Variants in OXR1 observed in about 807,000 individuals in gnomAD.
The protein encoded by OXR1 is oxidation resistance 1.
A neutral mutation model predicts 104.6 loss-of-function variants in OXR1; 41 were observed. The observed-to-expected ratio is 0.39, with a 90% CI of 0.31 to 0.51. The LOEUF (loss-of-function observed/expected upper bound fraction) is 0.51. Among genes scored for constraint, OXR1 ranks in the 20% least tolerant of loss-of-function variants. The pLI is 0.77. For missense variants in OXR1, 955 were observed against 1,031.9 expected, an observed-to-expected ratio of 0.93 and a Z score of 1.02; for synonymous variants, 348 against 348.4, an observed-to-expected ratio of 1.00 and a Z score of 0.01.
intron 1 of OXR1, among the ~76,000 whole-genome samples, chr8:106,357,080 T>G (rs929434224): frequency 6.6e-6 from 1 of 152,106 alleles, no homozygotes; most frequent in African/African-American, 2.4e-5. Flanking sequence ...TGTAATTTAG[T>G]AAAAGCAATT....
intron 3 of OXR1, among the ~76,000 whole-genome samples, chr8:106,675,934 G>C (rs930605171): frequency 6.6e-6 from 1 of 152,020 alleles, no homozygotes; most frequent in South Asian, 2.1e-4. Context: ...TCTCTTTGTA[G>C]GTCTCTAAGA....
chr8:106,291,754 G>A (rs1351002088), intron 1 of OXR1, among the ~76,000 whole-genome samples: 2 of 152,148 alleles, frequency 1.3e-5, no homozygotes, highest in Non-Finnish European at 2.9e-5. Flanking sequence ...AGTTCCACAT[G>A]GCTGGGGAGG....
intron 8 of OXR1, among the ~76,000 whole-genome samples, chr8:106,706,048 T>C (rs1329375175): frequency 2.6e-5 from 4 of 152,134 alleles, no homozygotes; most frequent in African/African-American, 4.8e-5. Context: ...GTGAGTAAAT[T>C]TTAGTTTAGA....
In OXR1 at chr8:106,583,233, G is replaced by A. The variant is rs550076530; in HGVS notation, c.220+64094G>A. On this transcript the variant is annotated intron_variant, in intron 3 of 16. Coordinates refer to ENST00000517566, the MANE Select transcript of OXR1 (RefSeq NM_001198533.2). ...CTGACTCGTGACTCTAATGGGTTAA[G>A]TTCCCCAAAATTTACTCTCATTTAC... Among the ~76,000 whole-genome samples, 7 of 152,116 alleles carry A rather than the reference G, an allele frequency of 4.6e-5. No homozygotes were observed. In the South Asian group the frequency reaches 1.5e-3, roughly 32 times the overall value.
intron 2 of OXR1, among the ~76,000 whole-genome samples, chr8:106,426,404 A>G (rs1403472589): frequency 6.6e-6 from 1 of 151,706 alleles, no homozygotes; most frequent in African/African-American, 2.4e-5. Context: ...TATAGTACTT[A>G]TGTCTTGAAA....
intron 9 of OXR1, among the ~76,000 whole-genome samples, chr8:106,708,211 G>T (rs536568894): frequency 6.6e-6 from 1 of 151,928 alleles, no homozygotes; most frequent in South Asian, 2.1e-4. Flanking sequence ...GGGCACCATG[G>T]CAAAACCCTG....
intron 2 of OXR1, among the ~76,000 whole-genome samples, chr8:106,441,608 G>T (rs1320179187): frequency 6.6e-6 from 1 of 152,060 alleles, no homozygotes; most frequent in African/African-American, 2.4e-5. Flanking sequence ...CTGGTTTGTA[G>T]TTCTCCTTGA....
intron 1 of OXR1, among the ~76,000 whole-genome samples, chr8:106,322,449 T>C (rs1001302113): frequency 1.3e-5 from 2 of 152,128 alleles, no homozygotes; most frequent in Admixed American, 1.3e-4. Flanking sequence ...TTATACTGAA[T>C]AGGCAAAAAC....
intron 2 of OXR1, among the ~76,000 whole-genome samples, chr8:106,481,698 T>C (rs1037420606): frequency 6.6e-6 from 1 of 152,032 alleles, no homozygotes; most frequent in Admixed American, 6.6e-5. Flanking sequence ...TTGCCACCTG[T>C]TACTTTAAAA....
intron 2 of OXR1, among the ~76,000 whole-genome samples, chr8:106,468,676 G>C (rs1821319999): frequency 2.0e-5 from 3 of 151,760 alleles, no homozygotes; most frequent in Non-Finnish European, 4.4e-5. Context: ...ATTATGATGT[G>C]ATATATTTGG....
At chr8:106,475,583 G>A (rs892510391) in intron 2 of OXR1, among the ~76,000 whole-genome samples, 1 of 151,906 alleles carries the variant, frequency 6.6e-6, no homozygotes, top group African/African-American at 2.4e-5. Flanking sequence ...CTCTAAAAAT[G>A]TTTCTGTACT....
intron 3 of OXR1, among the ~76,000 whole-genome samples, chr8:106,583,271 C>G (rs568144096): frequency 6.6e-6 from 1 of 152,256 alleles, no homozygotes; most frequent in East Asian, 1.9e-4. Flanking sequence ...GCCTATTAAA[C>G]TTCTTTAAAT....
intron 3 of OXR1, among the ~76,000 whole-genome samples, chr8:106,576,466 C>CAAA (rs55917847): frequency 0.024 from 2,712 of 112,174 alleles, 70 homozygotes; most frequent in Admixed American, 0.047. Flanking sequence ...CACAGTTATT[C>CAAA]AAAAAAAAAA....
chr8:106,354,003 G>C (rs140675325), intron 1 of OXR1, among the ~76,000 whole-genome samples: 1 of 151,860 alleles, frequency 6.6e-6, no homozygotes, highest in Non-Finnish European at 1.5e-5. Context: ...TTGTCTTTTT[G>C]TTCCTGGCTG....
rs370810252 is a variant in OXR1, at chr8:106,595,705, TC to T, written c.220+76567del. Among the ~76,000 whole-genome samples, 148 of 152,320 alleles carry T rather than the reference TC, an allele frequency of 9.7e-4. 1 individual carries two copies. Among genetic ancestry groups the T allele is most frequent in the African/African-American group, 3.4e-3 (142 of 41,570 alleles). Reference sequence around the variant, plus strand: ...ATGGAATAATGCTGGAAATAGCCTTTCTTCCTTGCTTGTAAATAATCCCACA... The same window carrying T: ...ATGGAATAATGCTGGAAATAGCCTTTTTCCTTGCTTGTAAATAATCCCACA... On this transcript the variant is annotated intron_variant, in intron 3 of 16. Coordinates refer to ENST00000517566, the MANE Select transcript of OXR1 (RefSeq NM_001198533.2).
At chr8:106,611,722 A>C (rs938959883) in intron 3 of OXR1, among the ~76,000 whole-genome samples, 1 of 152,154 alleles carries the variant, frequency 6.6e-6, no homozygotes, top group African/African-American at 2.4e-5. Context: ...TTCCAAAATT[A>C]ACTTAGAACA....
intron 1 of OXR1, among the ~76,000 whole-genome samples, chr8:106,327,154 C>T (rs938498573): frequency 6.6e-6 from 1 of 152,040 alleles, no homozygotes; most frequent in Non-Finnish European, 1.5e-5. Flanking sequence ...GAATGCCGAA[C>T]CTCCAATGGT....
intron 11 of OXR1, chr8:106,720,737 C>T: frequency 1.0e-6 from 1 of 962,970 alleles, no homozygotes; most frequent in Non-Finnish European, 1.2e-6. Flanking sequence ...AAAAAACATA[C>T]CAGGCTGTAA....
chr8:106,383,523 T>C (rs148353327), intron 2 of OXR1, among the ~76,000 whole-genome samples: 1 of 152,178 alleles, frequency 6.6e-6, no homozygotes. Context: ...CACAAATCTA[T>C]AAGGATTATT....
Sources: gnomAD v4.1 joint callset for allele counts (sites outside exome capture counted in the v4.1 genomes callset) on GRCh38, gnomAD v4.1.1 for gene constraint, MANE v1.5 for transcripts, NCBI Gene and HGNC (gene_info 2026-07-23, HGNC 2026-07-21) for gene names.